CHSY3: variants seen among roughly 807,000 people sequenced by gnomAD.
CHSY3 encodes the protein N-acetylgalactosaminyl-proteoglycan 3-beta-glucuronosyltransferase 3.
In CHSY3, 35 loss-of-function variants were observed where a neutral mutation model predicts 67.2. The ratio of observed to expected loss-of-function variants is 0.52; its 90% CI spans 0.40 to 0.69. CHSY3 has a LOEUF of 0.69. Among genes scored for constraint, CHSY3 ranks in the 30% least tolerant of loss-of-function variants. The probability of loss-of-function intolerance (pLI) is 0.00; values close to 1 mark genes in which losing one functional copy is unlikely to be tolerated. For missense variants in CHSY3, 1,069 were observed against 1,138.5 expected, an observed-to-expected ratio of 0.94 and a Z score of 0.88; for synonymous variants, 474 against 434.7, an observed-to-expected ratio of 1.09 and a Z score of -1.12.
chr5:130,067,151 A>C (rs563488010), intron 2 of CHSY3, among the ~76,000 whole-genome samples: 1 of 152,254 alleles, frequency 6.6e-6, no homozygotes, highest in East Asian at 1.9e-4. Flanking sequence ...TGAAACTCAC[A>C]ATTAGGACTT....
At chr5:130,134,949 C>A (rs556899646) in intron 2 of CHSY3, among the ~76,000 whole-genome samples, 105 of 151,688 alleles carry the variant, frequency 6.9e-4, no homozygotes, top group African/African-American at 2.5e-3. Context: ...AAGCTCACTC[C>A]CCAGTCACCC....
chr5:130,162,117 T>C (rs1360340806), intron 2 of CHSY3, among the ~76,000 whole-genome samples: 1 of 151,918 alleles, frequency 6.6e-6, no homozygotes, highest in Non-Finnish European at 1.5e-5. Context: ...ATTTAATTAT[T>C]TGGTCAATTA....
intron 2 of CHSY3, among the ~76,000 whole-genome samples, chr5:130,007,293 C>A (rs752965713): frequency 1.3e-5 from 2 of 152,102 alleles, no homozygotes; most frequent in African/African-American, 4.8e-5. Context: ...CAAGAAATTT[C>A]TATTTAACTC....
At chr5:130,110,812 G>C (rs182273521) in intron 2 of CHSY3, among the ~76,000 whole-genome samples, 35 of 151,976 alleles carry the variant, frequency 2.3e-4, no homozygotes, top group African/African-American at 8.2e-4. Flanking sequence ...TTATATCCCT[G>C]ATAAGAGAAA....
intron 2 of CHSY3, among the ~76,000 whole-genome samples, chr5:129,928,060 G>C (rs148130358): frequency 1.3e-3 from 190 of 151,832 alleles, no homozygotes; most frequent in Admixed American, 2.2e-3. Context: ...TTTTAAGTTC[G>C]GGAGTACATG....
chr5:129,926,445 T>G (rs1161807221), intron 2 of CHSY3, among the ~76,000 whole-genome samples: 1 of 151,998 alleles, frequency 6.6e-6, no homozygotes, highest in African/African-American at 2.4e-5. Context: ...ACTTCTACTG[T>G]AAACAGACTG....
chr5:130,053,325 T>A (rs1259390569), intron 2 of CHSY3, among the ~76,000 whole-genome samples: 1 of 151,988 alleles, frequency 6.6e-6, no homozygotes, highest in East Asian at 1.9e-4. Flanking sequence ...TTACTTTTAG[T>A]TAAAAGTAAT....
At chr5:129,940,464 C>A (rs1761662615) in intron 2 of CHSY3, among the ~76,000 whole-genome samples, 1 of 151,898 alleles carries the variant, frequency 6.6e-6, no homozygotes, top group African/African-American at 2.4e-5. Flanking sequence ...GGAATATAAC[C>A]TGTAGATGCT....
rs929630875 is a variant in CHSY3 at position 130,054,501 on chromosome 5, C to A, written c.1087-129728C>A. Among the ~76,000 whole-genome samples the A allele has an allele frequency of 7.2e-5, 11 of 152,228 alleles. No individual in the cohort carries two copies. In the South Asian group the frequency reaches 1.7e-3, roughly 23 times the overall value. On this transcript the variant is annotated intron_variant, in intron 2 of 2. Transcript: ENST00000305031. ...GTTAAGAAGATAAGGCCCAGAGCCC[C>A]ATGGCCTCTGATGAAATTCCTGCAC...
chr5:129,944,251 G>T (rs1445915121), intron 2 of CHSY3, among the ~76,000 whole-genome samples: 1 of 152,186 alleles, frequency 6.6e-6, no homozygotes, highest in Non-Finnish European at 1.5e-5. Flanking sequence ...GAAGAAGGAG[G>T]GAGAAGACTA....
chr5:130,015,064 G>A (rs1416630229), intron 2 of CHSY3, among the ~76,000 whole-genome samples: 1 of 152,172 alleles, frequency 6.6e-6, no homozygotes, highest in Non-Finnish European at 1.5e-5. Flanking sequence ...GGAGGAACCT[G>A]GTAGGAGGTG....
intron 2 of CHSY3, among the ~76,000 whole-genome samples, chr5:129,920,663 G>A (rs76437042): frequency 0.011 from 1,706 of 152,248 alleles, 38 homozygotes; most frequent in African/African-American, 0.038. Flanking sequence ...ACGCCCTTCT[G>A]TTATAACTAA....
intron 2 of CHSY3, among the ~76,000 whole-genome samples, chr5:130,087,706 G>T (rs374965787): frequency 2.0e-5 from 3 of 151,796 alleles, no homozygotes; most frequent in African/African-American, 2.4e-5. Context: ...CACTGCTCAA[G>T]GAAATAAAAG....
chr5:130,057,924 G>C (rs1201233480), intron 2 of CHSY3, among the ~76,000 whole-genome samples: 1 of 151,974 alleles, frequency 6.6e-6, no homozygotes, highest in Non-Finnish European at 1.5e-5. Context: ...GAGAGAGAGA[G>C]ACAGAGAGAT....
Position 129,969,770 on chromosome 5 carries a change from T to C in CHSY3, c.1086+61410T>C, listed in dbSNP as rs190501734. ...TTTGGTAAGGTTGTCTTAAGTGCCA[T>C]TTCTACAATAATTGAAGGGTATCCA... is the stretch of plus-strand genomic sequence containing the variant. On this transcript the variant is annotated intron_variant, in intron 2 of 2. Transcript: ENST00000305031. 3.3e-5 allele frequency among the ~76,000 whole-genome samples: 5 copies of C among 151,984 alleles called. No individual in the cohort carries two copies. In the East Asian group the frequency reaches 9.7e-4, roughly 29 times the overall value.
chr5:130,151,951 T>C (rs979802612), intron 2 of CHSY3, among the ~76,000 whole-genome samples: 3 of 152,232 alleles, frequency 2.0e-5, no homozygotes, highest in African/African-American at 4.8e-5. Context: ...AGCATTGTCA[T>C]TGTAGATACA....
chr5:129,910,903 T>C (rs562189110), intron 2 of CHSY3, among the ~76,000 whole-genome samples: 11 of 152,072 alleles, frequency 7.2e-5, no homozygotes, highest in African/African-American at 2.6e-4. Flanking sequence ...CCATAGTTCT[T>C]TTAAAAGCAC....
intron 2 of CHSY3, among the ~76,000 whole-genome samples, chr5:129,994,162 A>G (rs1327098906): frequency 6.6e-6 from 1 of 151,738 alleles, no homozygotes; most frequent in Admixed American, 6.6e-5. Flanking sequence ...CTTCATTTCA[A>G]CTTTGGTGAA....
At chr5:130,011,158 A>G (rs2149646894) in intron 2 of CHSY3, among the ~76,000 whole-genome samples, 1 of 152,310 alleles carries the variant, frequency 6.6e-6, no homozygotes, top group African/African-American at 2.4e-5. Context: ...AAAACCTTGC[A>G]GAAACCAAAC....
Sources: gnomAD v4.1 joint callset for allele counts (sites outside exome capture counted in the v4.1 genomes callset) on GRCh38, gnomAD v4.1.1 for gene constraint, MANE v1.5 for transcripts, NCBI Gene and HGNC (gene_info 2026-07-23, HGNC 2026-07-21) for gene names.